NKAIN2: variants seen among roughly 807,000 people sequenced by gnomAD.
The protein encoded by NKAIN2 is sodium/potassium transporting ATPase interacting 2.
NKAIN2 carries 14 observed loss-of-function variants against 32.6 expected under a neutral mutation model. That is an observed-to-expected ratio of 0.43 (90% CI 0.28 to 0.67). The LOEUF is 0.67. Among genes scored for constraint, NKAIN2 ranks in the 30% least tolerant of loss-of-function variants. NKAIN2 has a pLI of 0.17. For synonymous variants in NKAIN2, 80 were observed against 87.2 expected (o/e 0.92, Z 0.46); for missense variants, 198 against 258.3 (o/e 0.77, Z 1.60).
chr6:124,347,384 C>A (rs1009573224), intron 2 of NKAIN2, among the ~76,000 whole-genome samples: 5 of 151,118 alleles, frequency 3.3e-5, no homozygotes, highest in African/African-American at 1.2e-4. Flanking sequence ...GTTGGCCTGC[C>A]TTGCTAGATT....
intron 3 of NKAIN2, among the ~76,000 whole-genome samples, chr6:124,542,944 T>C (rs1411101141): frequency 6.6e-6 from 1 of 152,188 alleles, no homozygotes; most frequent in Non-Finnish European, 1.5e-5. Context: ...TTTTGATGAA[T>C]AGATAGTCTG....
chr6:124,153,131 A>G (rs578115682), intron 1 of NKAIN2, among the ~76,000 whole-genome samples: 1 of 152,008 alleles, frequency 6.6e-6, no homozygotes, highest in South Asian at 2.1e-4. Flanking sequence ...GTATATTTCA[A>G]AATAGCTAGA....
chr6:124,402,937 T>G (rs1227189470), intron 3 of NKAIN2, among the ~76,000 whole-genome samples: 1 of 152,162 alleles, frequency 6.6e-6, no homozygotes. Context: ...CCTGCACCTA[T>G]ACCCACGAAC....
intron 4 of NKAIN2, among the ~76,000 whole-genome samples, chr6:124,733,203 G>A (rs892000613): frequency 6.6e-6 from 1 of 151,786 alleles, no homozygotes; most frequent in Non-Finnish European, 1.5e-5. Context: ...GATGTTTTAG[G>A]GTGGTGAAAC....
At chr6:124,126,593 A>C (rs1045542771) in intron 1 of NKAIN2, among the ~76,000 whole-genome samples, 1 of 151,098 alleles carries the variant, frequency 6.6e-6, no homozygotes, top group Non-Finnish European at 1.5e-5. Flanking sequence ...GAGGACACTG[A>C]TTTAGCCGTT....
intron 1 of NKAIN2, among the ~76,000 whole-genome samples, chr6:124,165,583 A>G (rs982790554): frequency 6.6e-6 from 1 of 151,574 alleles, no homozygotes; most frequent in Non-Finnish European, 1.5e-5. Context: ...AATTACATAT[A>G]TATACATGTG....
At chr6:124,546,024 GA>G (rs1443745731) in intron 3 of NKAIN2, among the ~76,000 whole-genome samples, 1 of 151,982 alleles carries the variant, frequency 6.6e-6, no homozygotes, top group Non-Finnish European at 1.5e-5. Flanking sequence ...AAACAGTGAA[GA>G]AAAACACCAG....
Position 124,151,083 on chromosome 6 carries a change from T to C in NKAIN2, c.55-131922T>C, listed in dbSNP as rs138907482. Among the ~76,000 whole-genome samples, 14 of 152,206 alleles carry C rather than the reference T, an allele frequency of 9.2e-5. No individual in the cohort carries two copies. In the East Asian group the frequency reaches 2.7e-3, roughly 29 times the overall value. ...TCATGTTTCTTTTACTTAATCAGCATAACTCCTCTGATGGGATCTTCATAT... is the reference window on the plus strand; with the variant it reads ...TCATGTTTCTTTTACTTAATCAGCACAACTCCTCTGATGGGATCTTCATAT... On this transcript the variant is annotated intron_variant, in intron 1 of 6. Transcript: ENST00000368417.
At chr6:124,019,418 G>A (rs1435562461) in intron 1 of NKAIN2, among the ~76,000 whole-genome samples, 1 of 151,828 alleles carries the variant, frequency 6.6e-6, no homozygotes, top group African/African-American at 2.4e-5. Context: ...AAAAACTGTT[G>A]AAGTGAGATT....
intron 3 of NKAIN2, among the ~76,000 whole-genome samples, chr6:124,493,366 A>G (rs1050696077): frequency 6.6e-6 from 1 of 152,134 alleles, no homozygotes; most frequent in Non-Finnish European, 1.5e-5. Flanking sequence ...TAAGAAATAC[A>G]CTTTGAGCAT....
chr6:124,111,627 A>C (rs755412416), intron 1 of NKAIN2, among the ~76,000 whole-genome samples: 3 of 151,448 alleles, frequency 2.0e-5, no homozygotes, highest in Non-Finnish European at 4.4e-5. Context: ...CTGTTCAGTC[A>C]CTCTATGTCT....
chr6:124,268,289 A>G (rs1794595231), intron 1 of NKAIN2, among the ~76,000 whole-genome samples: 2 of 152,238 alleles, frequency 1.3e-5, no homozygotes, highest in African/African-American at 2.4e-5. Context: ...CATGATATTT[A>G]ACTCAAGACA....
chr6:124,634,531 T>C (rs1008191784), intron 3 of NKAIN2, among the ~76,000 whole-genome samples: 3 of 152,058 alleles, frequency 2.0e-5, no homozygotes, highest in African/African-American at 7.2e-5. Context: ...AAGGAGTCTT[T>C]TGAAATAAGC....
At chr6:123,984,240 CA>C (rs1244112763) in intron 1 of NKAIN2, among the ~76,000 whole-genome samples, 9 of 151,984 alleles carry the variant, frequency 5.9e-5, no homozygotes, top group African/African-American at 2.2e-4. Context: ...AGGCTTAGTT[CA>C]AATTATTATT....
At chr6:123,861,887 A>T (rs188870740) in intron 1 of NKAIN2, among the ~76,000 whole-genome samples, 2 of 152,286 alleles carry the variant, frequency 1.3e-5, no homozygotes, top group East Asian at 3.9e-4. Flanking sequence ...GTACTGTAAT[A>T]TTGCCAGTTA....
At chr6:124,648,841 C>G (rs1358588767) in intron 3 of NKAIN2, among the ~76,000 whole-genome samples, 2 of 152,068 alleles carry the variant, frequency 1.3e-5, no homozygotes, top group African/African-American at 2.4e-5. Flanking sequence ...ACAAAGATAG[C>G]TGGAAAATCC....
chr6:124,594,099 A>G (rs1198919367), intron 3 of NKAIN2, among the ~76,000 whole-genome samples: 2 of 152,200 alleles, frequency 1.3e-5, no homozygotes, highest in Admixed American at 1.3e-4. Flanking sequence ...TTTAGTTTTA[A>G]AGTTGAGTTA....
chr6:124,523,992 A>G (rs2114803939), intron 3 of NKAIN2, among the ~76,000 whole-genome samples: 1 of 152,310 alleles, frequency 6.6e-6, no homozygotes, highest in Non-Finnish European at 1.5e-5. Context: ...TTGAAAGTCT[A>G]AGAATGGCAT....
chr6:124,310,229 T>C (rs1179242685), intron 2 of NKAIN2, among the ~76,000 whole-genome samples: 2 of 152,158 alleles, frequency 1.3e-5, no homozygotes, highest in Non-Finnish European at 2.9e-5. Flanking sequence ...TATATAGTTA[T>C]GTTAGTACTT....
Sources: gnomAD v4.1 joint callset for allele counts (sites outside exome capture counted in the v4.1 genomes callset) on GRCh38, gnomAD v4.1.1 for gene constraint, MANE v1.5 for transcripts, NCBI Gene and HGNC (gene_info 2026-07-23, HGNC 2026-07-21) for gene names.